DLC1: variants seen among roughly 807,000 people sequenced by gnomAD.
The protein encoded by DLC1 is DLC1 Rho GTPase activating protein, also known as rho GTPase-activating protein 7.
In DLC1, 54 loss-of-function variants were observed where a neutral mutation model predicts 140.3. That is an observed-to-expected ratio of 0.38 (90% CI 0.31 to 0.48). DLC1 has a LOEUF of 0.48. DLC1 is among the 20% of genes least tolerant of loss of function. The pLI, the probability that DLC1 is intolerant of heterozygous loss-of-function variation, is 0.96. For missense variants in DLC1, 2,536 were observed against 1,907.0 expected, an observed-to-expected ratio of 1.33 and a Z score of -6.14; for synonymous variants, 986 against 728.1, an observed-to-expected ratio of 1.35 and a Z score of -5.70.
intron 1 of DLC1, among the ~76,000 whole-genome samples, chr8:13,541,485 A>C (rs2117332224): frequency 6.6e-6 from 1 of 152,256 alleles, no homozygotes; most frequent in African/African-American, 2.4e-5. Flanking sequence ...ACCCTAGTAA[A>C]TGTGTAGTGT....
intron 1 of DLC1, among the ~76,000 whole-genome samples, chr8:13,506,581 G>GTGTATATATATATATA (rs1246764417): frequency 7.6e-6 from 1 of 131,142 alleles, no homozygotes; most frequent in African/African-American, 3.2e-5. Context: ...GTGTGTGTGT[G>GTGTATATATATATATA]TATATATATA....
chr8:13,331,173 A>G (rs1210907304), intron 4 of DLC1, among the ~76,000 whole-genome samples: 1 of 152,178 alleles, frequency 6.6e-6, no homozygotes, highest in African/African-American at 2.4e-5. Context: ...CACTATACAG[A>G]TTGGTGGTTT....
intron 1 of DLC1, among the ~76,000 whole-genome samples, chr8:13,590,432 A>T (rs543499850): frequency 1.3e-5 from 2 of 152,080 alleles, no homozygotes; most frequent in African/African-American, 4.8e-5. Context: ...CAATATTCTC[A>T]TAATTACAGT....
intron 2 of DLC1, among the ~76,000 whole-genome samples, chr8:13,414,383 T>C (rs529004885): frequency 1.3e-5 from 2 of 152,328 alleles, no homozygotes; most frequent in East Asian, 1.9e-4. Context: ...GCTAATTTTG[T>C]TGAGAACTTG....
At chr8:13,599,109 C>G (rs1173602555) in intron 1 of DLC1, among the ~76,000 whole-genome samples, 3 of 151,546 alleles carry the variant, frequency 2.0e-5, no homozygotes, top group South Asian at 2.1e-4. Flanking sequence ...AACAAACTAG[C>G]ATTCTGATTG....
chr8:13,566,956 G>A, intron 1 of DLC1: 3 of 1,508,960 alleles, frequency 2.0e-6, no homozygotes, highest in South Asian at 1.3e-5. Context: ...CTTAACCTGG[G>A]CAAAGGAGAT....
At chr8:13,280,733 T>A (rs1406251828) in intron 5 of DLC1, among the ~76,000 whole-genome samples, 4 of 152,202 alleles carry the variant, frequency 2.6e-5, no homozygotes, top group Admixed American at 1.3e-4. Context: ...CATTTAAGAC[T>A]TCTTTGGACC....
At chr8:13,202,387 C>G (rs965324399) in intron 5 of DLC1, among the ~76,000 whole-genome samples, 1 of 152,126 alleles carries the variant, frequency 6.6e-6, no homozygotes, top group Non-Finnish European at 1.5e-5. Flanking sequence ...ATTGACATAT[C>G]CATCACCTCA....
At chr8:13,107,767 G>T (rs1351755593) in intron 7 of DLC1, among the ~76,000 whole-genome samples, 1 of 152,192 alleles carries the variant, frequency 6.6e-6, no homozygotes, top group Non-Finnish European at 1.5e-5. Flanking sequence ...AAAGAAAGTT[G>T]CTGGCTGGTC....
chr8:13,470,754 C>T (rs1224690704), intron 2 of DLC1, among the ~76,000 whole-genome samples: 1 of 152,082 alleles, frequency 6.6e-6, no homozygotes, highest in Non-Finnish European at 1.5e-5. Flanking sequence ...CTGCATGAGC[C>T]AGCAATCCCA....
chr8:13,372,779 T>C (rs1410089398), intron 4 of DLC1, among the ~76,000 whole-genome samples: 1 of 152,222 alleles, frequency 6.6e-6, no homozygotes, highest in Admixed American at 6.5e-5. Context: ...TTTATTTATA[T>C]AGAAAAGGGC....
In DLC1 at chr8:13,198,001, C is replaced by T. The variant is rs73663625; in HGVS notation, c.1349-82344G>A. The stretch of plus-strand genomic sequence containing the variant: ...GTAGCTCACACCTGTAATCCCAGCA[C>T]TTTGGAAGGCAGAAACCGGCTGATA... On this transcript the variant is annotated intron_variant, in intron 5 of 17. Transcript: ENST00000276297. Among the ~76,000 whole-genome samples the T allele has an allele frequency of 5.6e-3, 848 of 151,988 alleles. 12 individuals carry two copies. Among genetic ancestry groups the T allele is most frequent in the African/African-American group, 0.019 (807 of 41,444 alleles).
At chr8:13,466,256 G>A (rs1454594881) in intron 2 of DLC1, among the ~76,000 whole-genome samples, 1 of 152,152 alleles carries the variant, frequency 6.6e-6, no homozygotes, top group Non-Finnish European at 1.5e-5. Flanking sequence ...CTACCTGCTC[G>A]CTGAGCCTGC....
At chr8:13,535,172 T>C (rs1224077530) in intron 1 of DLC1, among the ~76,000 whole-genome samples, 1 of 152,112 alleles carries the variant, frequency 6.6e-6, no homozygotes, top group African/African-American at 2.4e-5. Context: ...TATATACTAA[T>C]TAAGATGATA....
intron 13 of DLC1, 24 bp downstream of exon 13, chr8:13,092,588 A>G: frequency 8.7e-6 from 14 of 1,610,742 alleles, no homozygotes; most frequent in Non-Finnish European, 1.1e-5. Context: ...CCCTGTGTGC[A>G]TGCACCTCCC....
At chr8:13,113,375 A>G (rs890823644) in intron 6 of DLC1, among the ~76,000 whole-genome samples, 2 of 152,218 alleles carry the variant, frequency 1.3e-5, no homozygotes, top group African/African-American at 2.4e-5. Flanking sequence ...GGCCCAGAAC[A>G]ATACGCAGTG....
intron 5 of DLC1, among the ~76,000 whole-genome samples, chr8:13,164,688 T>C (rs1371483510): frequency 6.6e-6 from 1 of 152,202 alleles, no homozygotes; most frequent in Non-Finnish European, 1.5e-5. Context: ...TTGATACTTT[T>C]ACATCAGGAG....
chr8:13,120,575 T>C (rs1396482967), intron 5 of DLC1, among the ~76,000 whole-genome samples: 1 of 151,782 alleles, frequency 6.6e-6, no homozygotes, highest in Non-Finnish European at 1.5e-5. Context: ...ATTACGAGGA[T>C]GATTTTTTTA....
intron 2 of DLC1, among the ~76,000 whole-genome samples, chr8:13,469,744 T>C (rs968522420): frequency 6.6e-6 from 1 of 152,214 alleles, no homozygotes; most frequent in African/African-American, 2.4e-5. Flanking sequence ...CTTGGTATGA[T>C]TTTGACCTTC....
Sources: gnomAD v4.1 joint callset for allele counts (sites outside exome capture counted in the v4.1 genomes callset) on GRCh38, gnomAD v4.1.1 for gene constraint, MANE v1.5 for transcripts, NCBI Gene and HGNC (gene_info 2026-07-23, HGNC 2026-07-21) for gene names.